The following SYK variants were observed in gnomAD, a reference collection of about 807,000 sequenced individuals.
SYK encodes the protein spleen associated tyrosine kinase.
SYK carries 16 observed loss-of-function variants against 77.8 expected under a neutral mutation model. The observed-to-expected ratio is 0.21, with a 90% CI of 0.14 to 0.31. SYK has a LOEUF of 0.31. Among genes scored for constraint, SYK ranks in the 10% least tolerant of loss-of-function variants. The pLI, the probability that SYK is intolerant of heterozygous loss-of-function variation, is 1.00. For missense variants in SYK, 529 were observed against 814.4 expected (o/e 0.65, Z 4.26); for synonymous variants, 312 against 308.7 (o/e 1.01, Z -0.11).
chr9:90,883,517 T>C (rs1828237931), intron 11 of SYK, among the ~76,000 whole-genome samples: 1 of 152,150 alleles, frequency 6.6e-6, no homozygotes. Context: ...CTGCCTACTC[T>C]GCACCTATTG....
chr9:90,877,882 C>A, intron 10 of SYK, 102 bp downstream of exon 10: 2 of 1,148,562 alleles, frequency 1.7e-6, no homozygotes, highest in Non-Finnish European at 2.5e-6. Flanking sequence ...AGCCTTCCCA[C>A]CCTCCTGTGC....
Position 90,877,564 on chromosome 9 carries a change from C to T in SYK, c.1182-7C>T, listed in dbSNP as rs290223. ...AAGTTTCTTGTGTGTTATGATTTCT[C>T]TTGCAGAGTTGTGAAAACCGTGGCT... On this transcript the variant is annotated splice_polypyrimidine_tract_variant and splice_region_variant and intron_variant, in intron 9 of 13. Transcript: ENST00000375754. 1.2e-6 allele frequency: 2 copies of T among 1,613,832 alleles called. No individual in the cohort carries two copies. Among genetic ancestry groups the T allele is most frequent in the Non-Finnish European group, 1.7e-6 (2 of 1,179,946 alleles).
rs1829021714 is a variant in SYK at position 90,897,160 on chromosome 9, C to G, written c.*1560C>G. On this transcript the variant is annotated 3_prime_UTR_variant, in exon 14 of 14. Transcript: ENST00000375754. ...TTTAAAGTGCATGGACAGCCATGGA[C>G]AGCAGGCCCTCCTCTAACAGGGGAT... The G allele has an allele frequency of 4.3e-6, 1 of 231,212 alleles. No homozygotes were observed. 14.3% of individuals were successfully genotyped at this position (231,212 alleles called of 1,614,324 possible).
At chr9:90,823,082 A>G (rs905784186) in intron 1 of SYK, among the ~76,000 whole-genome samples, 1 of 152,168 alleles carries the variant, frequency 6.6e-6, no homozygotes, top group Non-Finnish European at 1.5e-5. Flanking sequence ...TCCCAAGGGA[A>G]TTCCTCAAGT....
In SYK at chr9:90,832,129, C is replaced by G. The variant is rs1421575636; in HGVS notation, c.-41-11729C>G. Among the ~76,000 whole-genome samples, 7 of 152,300 alleles carry G rather than the reference C, an allele frequency of 4.6e-5. No individual in the cohort carries two copies. The South Asian group carries it at 6.2e-4, about 14-fold the overall frequency. On this transcript the variant is annotated intron_variant, in intron 1 of 13. Transcript: ENST00000375754. The stretch of plus-strand genomic sequence containing the variant: ...AGTTGTAACCAGAGGATCACAAAAA[C>G]CTAACACCATATTTCCCCAGGAGCA...
chr9:90,870,848 T>A (rs1315897843), intron 7 of SYK, among the ~76,000 whole-genome samples: 1 of 152,228 alleles, frequency 6.6e-6, no homozygotes, highest in Admixed American at 6.5e-5. Context: ...TCATCTGCAT[T>A]ACTGCTGTTG....
At chr9:90,872,105 C>T (rs1420000900) in intron 7 of SYK, among the ~76,000 whole-genome samples, 1 of 152,148 alleles carries the variant, frequency 6.6e-6, no homozygotes, top group African/African-American at 2.4e-5. Flanking sequence ...TTTGACAACC[C>T]CATCTCTGTT....
At chr9:90,821,696 C>T (rs975421698) in intron 1 of SYK, among the ~76,000 whole-genome samples, 1 of 152,020 alleles carries the variant, frequency 6.6e-6, no homozygotes, top group African/African-American at 2.4e-5. Flanking sequence ...CGCTCCAACT[C>T]CTCCTTTCAC....
At chr9:90,850,290 G>A (rs189591012) in intron 3 of SYK, among the ~76,000 whole-genome samples, 9 of 152,254 alleles carry the variant, frequency 5.9e-5, no homozygotes, top group South Asian at 2.1e-4. Flanking sequence ...AGGCTGAGGC[G>A]GGCAATCACA....
chr9:90,885,249 T>G (rs2118952751), intron 11 of SYK, among the ~76,000 whole-genome samples: 1 of 151,946 alleles, frequency 6.6e-6, no homozygotes, highest in East Asian at 1.9e-4. Context: ...AAATAAGATA[T>G]AAGAGAATTC....
intron 1 of SYK, among the ~76,000 whole-genome samples, chr9:90,812,739 A>ATGTGTGTG (rs1491224481): frequency 4.8e-4 from 45 of 94,156 alleles, no homozygotes; most frequent in Admixed American, 6.7e-4. Flanking sequence ...TCCCCATTTG[A>ATGTGTGTG]TATGTGTGTG....
At chr9:90,849,272 C>A (rs1246495978) in intron 3 of SYK, among the ~76,000 whole-genome samples, 1 of 152,144 alleles carries the variant, frequency 6.6e-6, no homozygotes, top group African/African-American at 2.4e-5. Flanking sequence ...GATTTCAGGG[C>A]CTTCACTTTC....
chr9:90,824,548 A>G (rs1825611496), intron 1 of SYK, among the ~76,000 whole-genome samples: 1 of 152,222 alleles, frequency 6.6e-6, no homozygotes, highest in African/African-American at 2.4e-5. Flanking sequence ...TATTCCAGGT[A>G]TGCAAAACAG....
Position 90,817,176 on chromosome 9 carries a change from C to G in SYK, c.-42+15283C>G, listed in dbSNP as rs142429160. The stretch of plus-strand genomic sequence containing the variant: ...CAATTCTTCTTCTTCCAGTGTGGCC[C>G]AGGAAAGCCAAAAGATTGCACATCC... On this transcript the variant is annotated intron_variant, in intron 1 of 13. Transcript: ENST00000375754. Among the ~76,000 whole-genome samples the G allele has an allele frequency of 3.3e-5, 5 of 152,226 alleles. No individual in the cohort carries two copies. The East Asian group carries it at 9.6e-4, about 29-fold the overall frequency.
At chr9:90,845,661 G>T in intron 3 of SYK, 67 bp downstream of exon 3, 1 of 1,564,586 alleles carries the variant, frequency 6.4e-7, no homozygotes, top group South Asian at 1.2e-5. Flanking sequence ...GAATAATTCA[G>T]CTTCCTTGTG....
chr9:90,856,077 G>A (rs1827027340), intron 3 of SYK, among the ~76,000 whole-genome samples: 1 of 152,200 alleles, frequency 6.6e-6, no homozygotes, highest in South Asian at 2.1e-4. Context: ...AGAAACTTAA[G>A]TTAGATAGTA....
Position 90,889,777 on chromosome 9 carries a change from G to A in SYK, c.1835+1150G>A, listed in dbSNP as rs968894360. ...GGGAGAGCTAAGTGTCAGCAAGAGG[G>A]AAGTGCTACTCATGGATCTAAGAGG... is the stretch of plus-strand genomic sequence containing the variant. On this transcript the variant is annotated intron_variant, in intron 13 of 13. Transcript: ENST00000375754. 3.3e-5 allele frequency among the ~76,000 whole-genome samples: 5 copies of A among 152,248 alleles called. No individual in the cohort carries two copies. The East Asian group carries it at 9.6e-4, about 29-fold the overall frequency.
intron 13 of SYK, among the ~76,000 whole-genome samples, chr9:90,894,839 C>T (rs974206872): frequency 6.6e-6 from 1 of 152,186 alleles, no homozygotes; most frequent in Non-Finnish European, 1.5e-5. Context: ...TTAGAGACTG[C>T]GAACTGTTAA....
intron 9 of SYK, among the ~76,000 whole-genome samples, chr9:90,876,674 A>C (rs1385572952): frequency 6.6e-6 from 1 of 152,182 alleles, no homozygotes. Flanking sequence ...ATTTGGGGAG[A>C]GGAGAGGCTC....
Sources: allele counts gnomAD v4.1 joint callset (sites outside exome capture counted in the v4.1 genomes callset), GRCh38; gene constraint gnomAD v4.1.1; transcripts MANE v1.5; gene names NCBI Gene and HGNC (gene_info 2026-07-23, HGNC 2026-07-21).